The following ESRRG variants were observed in gnomAD, a reference collection of about 807,000 sequenced individuals.
ESRRG encodes estrogen-related receptor gamma.
Under a neutral mutation model 44.0 loss-of-function variants are expected in ESRRG, and 13 were observed. The ratio of observed to expected loss-of-function variants is 0.30; its 90% CI spans 0.19 to 0.47. ESRRG has a LOEUF of 0.47. Ranked by LOEUF, ESRRG falls within the 20% of genes least tolerant of loss-of-function variation. The probability of loss-of-function intolerance (pLI) is 1.00; values close to 1 mark genes in which losing one functional copy is unlikely to be tolerated. For synonymous variants in ESRRG, 215 were observed against 214.6 expected (o/e 1.00, Z -0.02); for missense variants, 395 against 580.6 (o/e 0.68, Z 3.29).
At chr1:217,030,971 T>C (rs1032059864) in intron 1 of ESRRG, among the ~76,000 whole-genome samples, 6 of 152,244 alleles carry the variant, frequency 3.9e-5, no homozygotes, top group Non-Finnish European at 7.3e-5. Context: ...CTTTTTAAAA[T>C]GAAGCTGCTG....
At chr1:217,119,016 T>C (rs1429258465) in intron 1 of ESRRG, among the ~76,000 whole-genome samples, 2 of 128,818 alleles carry the variant, frequency 1.6e-5, no homozygotes, top group African/African-American at 5.2e-5. Flanking sequence ...GATAGATAGA[T>C]AGATAGATAG....
At chr1:216,651,689 A>C (rs2069007928) in intron 2 of ESRRG, among the ~76,000 whole-genome samples, 1 of 152,178 alleles carries the variant, frequency 6.6e-6, no homozygotes, top group African/African-American at 2.4e-5. Flanking sequence ...TGGTGATGAT[A>C]ATGAAGATGA....
At chr1:216,797,180 G>A (rs780835911) in intron 2 of ESRRG, among the ~76,000 whole-genome samples, 5 of 152,130 alleles carry the variant, frequency 3.3e-5, no homozygotes, top group African/African-American at 9.7e-5. Flanking sequence ...GTGAGCCACC[G>A]TGCGCGGCCT....
intron 2 of ESRRG, among the ~76,000 whole-genome samples, chr1:216,771,224 A>G (rs866334297): frequency 2.6e-5 from 4 of 152,302 alleles, no homozygotes; most frequent in Middle Eastern, 3.4e-3. Flanking sequence ...AAAATAAATA[A>G]CAGAAGAAAA....
chr1:217,092,751 G>T (rs908208717), upstream of ESRRG, among the ~76,000 whole-genome samples: 4 of 152,136 alleles, frequency 2.6e-5, no homozygotes, highest in Admixed American at 2.6e-4. Flanking sequence ...ACCTAACATA[G>T]TGCTAAGTAC....
intron 6 of ESRRG, among the ~76,000 whole-genome samples, chr1:216,513,632 G>A (rs2809293): frequency 0.49 from 73,703 of 151,892 alleles, 19,165 homozygotes; most frequent in Non-Finnish European, 0.61. Flanking sequence ...CTCCATGGTC[G>A]TGGTTGTAGT....
chr1:216,630,029 C>T (rs191130709), intron 3 of ESRRG, among the ~76,000 whole-genome samples: 492 of 152,270 alleles, frequency 3.2e-3, no homozygotes, highest in Non-Finnish European at 5.1e-3. Flanking sequence ...AAAATGAAAA[C>T]TTTTGACACC....
intron 2 of ESRRG, among the ~76,000 whole-genome samples, chr1:216,834,567 T>C (rs1312838960): frequency 6.6e-6 from 1 of 152,072 alleles, no homozygotes; most frequent in African/African-American, 2.4e-5. Context: ...ATTAACAAAA[T>C]CACAGTCAGG....
chr1:216,780,555 C>T (rs1369337266), intron 2 of ESRRG, among the ~76,000 whole-genome samples: 3 of 152,002 alleles, frequency 2.0e-5, no homozygotes, highest in Non-Finnish European at 4.4e-5. Flanking sequence ...CACAGAAATT[C>T]TGTGGCTCTG....
chr1:216,943,128 C>G (rs2065517638), intron 1 of ESRRG, among the ~76,000 whole-genome samples: 1 of 152,236 alleles, frequency 6.6e-6, no homozygotes, highest in African/African-American at 2.4e-5. Context: ...CCAGGGTGTA[C>G]TTTTCACATG....
chr1:216,992,106 A>G (rs560547628), intron 1 of ESRRG, among the ~76,000 whole-genome samples: 1 of 152,326 alleles, frequency 6.6e-6, no homozygotes, highest in Non-Finnish European at 1.5e-5. Flanking sequence ...GGTTGGACCT[A>G]CATAACCTCA....
chr1:216,871,829 T>C (rs2096263797), intron 2 of ESRRG, among the ~76,000 whole-genome samples: 1 of 152,070 alleles, frequency 6.6e-6, no homozygotes, highest in South Asian at 2.1e-4. Flanking sequence ...CTTTAAATTA[T>C]CAAACGATCT....
At chr1:216,670,567 C>T (rs1278222190) in intron 2 of ESRRG, among the ~76,000 whole-genome samples, 1 of 152,182 alleles carries the variant, frequency 6.6e-6, no homozygotes, top group African/African-American at 2.4e-5. Flanking sequence ...ACACCTTGAT[C>T]CTGAGTACCT....
rs74141694 is a variant in ESRRG, at chr1:216,881,764, A to G, written c.-14+57818T>C. 5.0e-3 allele frequency among the ~76,000 whole-genome samples: 760 copies of G among 152,316 alleles called. 10 individuals carry two copies. Among genetic ancestry groups the G allele is most frequent in the African/African-American group, 0.017 (726 of 41,562 alleles). On this transcript the variant is annotated intron_variant, in intron 2 of 7. Transcript: ENST00000359162. ...TACACAAATATATGAAAGGAGGATA[A>G]AAAGTTATGGACACATTCAAGCAAA...
At chr1:216,930,650 A>G (rs887466499) in intron 2 of ESRRG, among the ~76,000 whole-genome samples, 4 of 152,182 alleles carry the variant, frequency 2.6e-5, no homozygotes, top group Non-Finnish European at 5.9e-5. Context: ...AAGAACCTGT[A>G]GAAATACAGT....
intron 1 of ESRRG, among the ~76,000 whole-genome samples, chr1:217,114,884 C>T (rs1401574233): frequency 2.0e-5 from 3 of 151,914 alleles, no homozygotes; most frequent in Admixed American, 6.6e-5. Context: ...AGGATGGTCT[C>T]GATCTCCTGA....
chr1:217,040,837 A>G (rs2083733476), intron 1 of ESRRG, among the ~76,000 whole-genome samples: 1 of 152,154 alleles, frequency 6.6e-6, no homozygotes, highest in Non-Finnish European at 1.5e-5. Flanking sequence ...AGTGGACCTC[A>G]GTAGATACTA....
At chr1:216,546,750 T>C (rs1312858601) in intron 5 of ESRRG, among the ~76,000 whole-genome samples, 1 of 151,924 alleles carries the variant, frequency 6.6e-6, no homozygotes, top group Non-Finnish European at 1.5e-5. Flanking sequence ...TTTAGCATAG[T>C]GGATAATGAT....
rs139768648 is a variant in ESRRG at position 217,000,096 on chromosome 1, A to C, written c.-105-60423T>G. The stretch of plus-strand genomic sequence containing the variant: ...TTTGCTTATCCCCAAGATTTTTTAC[A>C]TGTAAAATGTACTAAGTGGAGTGCT... On this transcript the variant is annotated intron_variant, in intron 1 of 7. Transcript: ENST00000359162. Among the ~76,000 whole-genome samples, 19 of 152,352 alleles carry C rather than the reference A, an allele frequency of 1.2e-4. No individual in the cohort carries two copies. The East Asian group carries it at 3.7e-3, about 29-fold the overall frequency.
Sources: allele counts gnomAD v4.1 joint callset (sites outside exome capture counted in the v4.1 genomes callset), GRCh38; gene constraint gnomAD v4.1.1; transcripts MANE v1.5; gene names NCBI Gene and HGNC (gene_info 2026-07-23, HGNC 2026-07-21).